The following VPS13B variants were observed in gnomAD, a reference collection of about 807,000 sequenced individuals.
VPS13B encodes intermembrane lipid transfer protein VPS13B.
VPS13B carries 285 observed loss-of-function variants against 426.4 expected under a neutral mutation model. The ratio of observed to expected loss-of-function variants is 0.67; its 90% CI spans 0.61 to 0.74. The LOEUF is 0.74. VPS13B is among the 30% of genes least tolerant of loss of function. VPS13B has a pLI of 0.00. For synonymous variants in VPS13B, 1,676 were observed against 1,676.4 expected (o/e 1.00, Z 0.01); for missense variants, 4,537 against 4,782.6 (o/e 0.95, Z 1.51).
intron 40 of VPS13B, among the ~76,000 whole-genome samples, chr8:99,769,000 G>A (rs1451231975): frequency 6.6e-6 from 1 of 152,144 alleles, no homozygotes; most frequent in Non-Finnish European, 1.5e-5. Flanking sequence ...AAGCATTGTA[G>A]AGAAAGCTAA....
chr8:99,029,766 G>C (rs1339698860), intron 2 of VPS13B, among the ~76,000 whole-genome samples: 1 of 149,608 alleles, frequency 6.7e-6, no homozygotes. Context: ...GGAGACCGTG[G>C]AAGGAGACCG....
chr8:99,319,084 G>A (rs1199927532), intron 19 of VPS13B, among the ~76,000 whole-genome samples: 1 of 151,964 alleles, frequency 6.6e-6, no homozygotes, highest in South Asian at 2.1e-4. Flanking sequence ...CTTATTAAGG[G>A]AGAAATAAAA....
intron 49 of VPS13B, 129 bp from the exon 50 acceptor site, chr8:99,821,160 ACACAC>A (rs1814342778): frequency 1.6e-6 from 1 of 624,590 alleles, no homozygotes; most frequent in African/African-American, 2.0e-5. Context: ...ACACACACAC[ACACAC>A]ACCATGGAGG....
At chr8:99,274,807 A>T (rs1818807959) in intron 18 of VPS13B, among the ~76,000 whole-genome samples, 1 of 152,084 alleles carries the variant, frequency 6.6e-6, no homozygotes, top group Non-Finnish European at 1.5e-5. Context: ...AGTTTATAAA[A>T]GTCCAGATTT....
At chr8:99,507,843 C>A in intron 28 of VPS13B, 9 of 1,614,032 alleles carry the variant, frequency 5.6e-6, no homozygotes, top group Non-Finnish European at 7.6e-6. Flanking sequence ...GCTGAACAGA[C>A]GCACCTTGTT....
intron 33 of VPS13B, among the ~76,000 whole-genome samples, chr8:99,596,518 G>C (rs1443270496): frequency 6.6e-6 from 1 of 151,880 alleles, no homozygotes; most frequent in African/African-American, 2.4e-5. Context: ...CTCCTCTCTT[G>C]TTGTTAATTT....
intron 29 of VPS13B, among the ~76,000 whole-genome samples, chr8:99,513,095 A>G (rs1007866452): frequency 2.0e-5 from 3 of 151,506 alleles, no homozygotes; most frequent in Admixed American, 6.6e-5. Context: ...TTATATCTAG[A>G]TAAAAATAAG....
chr8:99,167,454 G>A (rs147246917), intron 15 of VPS13B, among the ~76,000 whole-genome samples: 1 of 151,866 alleles, frequency 6.6e-6, no homozygotes, highest in Admixed American at 6.6e-5. Flanking sequence ...TTTTATAATG[G>A]CAGTAACAAA....
At chr8:99,593,845 G>A (rs1049196969) in intron 33 of VPS13B, among the ~76,000 whole-genome samples, 1 of 152,052 alleles carries the variant, frequency 6.6e-6, no homozygotes, top group East Asian at 1.9e-4. Context: ...CTTATCAGTG[G>A]GAGCTGAATG....
intron 42 of VPS13B, among the ~76,000 whole-genome samples, chr8:99,782,069 G>A (rs896504750): frequency 6.6e-6 from 1 of 152,058 alleles, no homozygotes; most frequent in Non-Finnish European, 1.5e-5. Context: ...ACATTCAGAA[G>A]GGAAAAACTA....
chr8:99,340,420 T>G (rs1588269951), intron 19 of VPS13B: 1 of 473,982 alleles, frequency 2.1e-6, no homozygotes, highest in South Asian at 1.7e-5. Context: ...TCAGAAAAGA[T>G]CAAAGTGTTT....
At chr8:99,170,280 A>C in intron 16 of VPS13B, 117 bp downstream of exon 16, 2 of 1,311,190 alleles carry the variant, frequency 1.5e-6, no homozygotes, top group Non-Finnish European at 2.1e-6. Context: ...TTTAGAAAAA[A>C]AATCTAAACT....
chr8:99,014,902 A>G (rs1841534934), intron 2 of VPS13B, among the ~76,000 whole-genome samples: 1 of 152,050 alleles, frequency 6.6e-6, no homozygotes, highest in African/African-American at 2.4e-5. Context: ...CATTTATTAC[A>G]TTTATTAGTA....
chr8:99,581,366 A>G (rs1244949202), intron 33 of VPS13B, among the ~76,000 whole-genome samples: 1 of 152,204 alleles, frequency 6.6e-6, no homozygotes, highest in Non-Finnish European at 1.5e-5. Flanking sequence ...ACTAACACAT[A>G]ATGAAATTTA....
intron 43 of VPS13B, among the ~76,000 whole-genome samples, chr8:99,794,440 G>C (rs1812705918): frequency 6.6e-6 from 1 of 152,128 alleles, no homozygotes. Context: ...AGGAGTTTCT[G>C]GTCCATAGAA....
At chr8:99,469,194 G>A (rs1053276015) in intron 24 of VPS13B, among the ~76,000 whole-genome samples, 25 of 141,172 alleles carry the variant, frequency 1.8e-4, no homozygotes, top group Admixed American at 1.6e-3. Flanking sequence ...TTTTGACACA[G>A]GGTCTTACTT....
intron 57 of VPS13B, 118 bp downstream of exon 57, chr8:99,859,598 A>T: frequency 7.4e-7 from 1 of 1,345,956 alleles, no homozygotes; most frequent in Non-Finnish European, 1.0e-6. Context: ...TTGGCCTTTT[A>T]GCTTGCAGTG....
chr8:99,035,050 G>C (rs1842681939), intron 2 of VPS13B, among the ~76,000 whole-genome samples: 1 of 151,706 alleles, frequency 6.6e-6, no homozygotes, highest in African/African-American at 2.4e-5. Flanking sequence ...AAAAAAATTG[G>C]TTGGGCGTGG....
At chr8:99,190,506 A>G (rs1419677638) in intron 16 of VPS13B, among the ~76,000 whole-genome samples, 2 of 151,896 alleles carry the variant, frequency 1.3e-5, no homozygotes, top group Non-Finnish European at 2.9e-5. Flanking sequence ...AACTTTATTT[A>G]GATTCATTCC....
Sources: gnomAD v4.1 joint callset for allele counts (sites outside exome capture counted in the v4.1 genomes callset) on GRCh38, gnomAD v4.1.1 for gene constraint, MANE v1.5 for transcripts, NCBI Gene and HGNC (gene_info 2026-07-23, HGNC 2026-07-21) for gene names.